The following EIF4G1 variants were observed in gnomAD, a reference collection of about 807,000 sequenced individuals.
The protein encoded by EIF4G1 is EIF4-gamma.
A neutral mutation model predicts 187.8 loss-of-function variants in EIF4G1; 4 were observed. The observed-to-expected ratio is 0.02, with a 90% CI of 0.01 to 0.05. The LOEUF is 0.05. EIF4G1 is among the 10% of genes least tolerant of loss of function. EIF4G1 has a pLI of 1.00. For missense variants in EIF4G1, 1,647 were observed against 2,081.1 expected, an observed-to-expected ratio of 0.79 and a Z score of 4.06; for synonymous variants, 844 against 781.4, an observed-to-expected ratio of 1.08 and a Z score of -1.34.
At position 184,316,156 on chromosome 3, in the gene EIF4G1, G is replaced by C; in HGVS notation, c.85G>C (p.Ala29Pro). ...GCCAGCGTTTCCCCCGGGGCAGACA[G>C]CGCCGGTGGTGTTCAGTACGCCACA... ...PQPAFPPGQT[A>P]PVVFSTPQAT... is the part of the protein sequence containing the mutation. Residue 29 changes from alanine (A) to proline (P), a missense_variant, in exon 4 of 33, where the codon GCG becomes CCG. Physicochemically the swap from Ala to Pro is conservative, Grantham distance 27. Around this residue, in one of 11 missense-constraint regions of EIF4G1, gnomAD observed 61 missense variants for 49.5 expected, o/e 1.23. Coordinates refer to ENST00000346169, the MANE Select transcript of EIF4G1 (RefSeq NM_198241.3). 6.2e-7 allele frequency: 1 copy of C among 1,614,166 alleles called. No individual in the cohort carries two copies. The highest frequency in any genetic ancestry group is 8.5e-7 in the Non-Finnish European group (1 of 1,180,032).
intron 26 of EIF4G1, 177 bp downstream of exon 26, chr3:184,328,179 G>T (rs768790968): frequency 4.3e-6 from 3 of 697,898 alleles, no homozygotes; most frequent in Admixed American, 4.3e-5. Flanking sequence ...AGAGGATCAC[G>T]TGAGGTTGGG....
intron 6 of EIF4G1, 196 bp from the exon 7 acceptor site, chr3:184,319,493 C>G: frequency 2.0e-6 from 1 of 512,744 alleles, no homozygotes; most frequent in Non-Finnish European, 3.7e-6. Flanking sequence ...GTTAGGAATT[C>G]TTGTAAACGC....
At chr3:184,324,133 TA>T in intron 16 of EIF4G1, 67 bp from the exon 17 acceptor site, 2 of 1,611,022 alleles carry the variant, frequency 1.2e-6, no homozygotes, top group East Asian at 2.2e-5. Context: ...GTCAGGTAGT[TA>T]AAGGCTCTTG....
chr3:184,322,282 C>T, intron 10 of EIF4G1, 80 bp from the exon 11 acceptor site: 1 of 1,537,436 alleles, frequency 6.5e-7, no homozygotes, highest in African/African-American at 1.4e-5. Context: ...TCTTTGGCTG[C>T]TTTCTATTTC....
At position 184,322,621 on chromosome 3, in the gene EIF4G1, T is replaced by C; in HGVS notation, c.1686T>C (p.Gly562=). Residue 562 remains glycine, a synonymous_variant, in exon 12 of 33, where the codon GGT becomes GGC. Coordinates refer to ENST00000346169, the MANE Select transcript of EIF4G1 (RefSeq NM_198241.3). ...SNPGPESEGS[G]VPPRPEEADE... ...CAGGCCCAGAGTCTGAGGGCAGTGGTGTGCCCCCACGTCCTGAGGAAGCAG... is the reference window on the plus strand; with the variant it reads ...CAGGCCCAGAGTCTGAGGGCAGTGGCGTGCCCCCACGTCCTGAGGAAGCAG... 6.2e-7 allele frequency: 1 copy of C among 1,614,164 alleles called. No individual in the cohort carries two copies. The highest frequency in any genetic ancestry group is 1.3e-5 in the African/African-American group (1 of 75,048).
At position 184,331,500 on chromosome 3, in the gene EIF4G1, C is replaced by G; in HGVS notation, c.4289C>G (p.Ser1430Trp). ...QKVEYTLGEE[S>W]EAPGQRALPS... ...GTGGAGTATACCCTGGGAGAGGAGT[C>G]GGAAGCCCCTGGCCAGAGGGCACTC... Residue 1430 changes from serine to tryptophan, a missense_variant, in exon 30 of 33, where the codon TCG (serine) becomes TGG (tryptophan). Transcript: ENST00000346169. 1 of 1,614,146 alleles carries G rather than the reference C, an allele frequency of 6.2e-7. No homozygotes were observed. Among genetic ancestry groups the G allele is most frequent in the Non-Finnish European group, 8.5e-7 (1 of 1,180,030 alleles).
At chr3:184,315,908 C>G in intron 3 of EIF4G1, 52 bp downstream of exon 3, 2 of 1,490,250 alleles carry the variant, frequency 1.3e-6, no homozygotes, top group Non-Finnish European at 1.8e-6. Flanking sequence ...CAGGCAGTCT[C>G]CAGCCTCTGG....
chr3:184,318,831 C>G (rs1347244957), intron 6 of EIF4G1, among the ~76,000 whole-genome samples: 1 of 151,678 alleles, frequency 6.6e-6, no homozygotes, highest in East Asian at 2.0e-4. Flanking sequence ...TCTCGAACTC[C>G]TGGCCTCAAG....
chr3:184,315,705 C>T (rs1293681586), intron 2 of EIF4G1, 58 bp from the exon 3 acceptor site: 2 of 1,314,992 alleles, frequency 1.5e-6, no homozygotes, highest in Non-Finnish European at 2.1e-6. Context: ...CTTTCACCGC[C>T]CCATTTGCCT....
chr3:184,324,224 G>A lies in EIF4G1; in HGVS notation c.2496G>A (p.Lys832=), dbSNP rs1657222427. 2 of 1,614,230 alleles carry A rather than the reference G, an allele frequency of 1.2e-6. No homozygotes were observed. Among genetic ancestry groups the A allele is most frequent in the African/African-American group, 1.3e-5 (1 of 75,060 alleles). Residue 832 remains lysine, a synonymous_variant, in exon 17 of 33, where the codon AAG becomes AAA. Coordinates refer to ENST00000346169, the MANE Select transcript of EIF4G1 (RefSeq NM_198241.3). ...AGCTGAAAGTGCCCACTACGGAAAA[G>A]CCAACAGTGACTGTGAACTTCCGAA... is the stretch of plus-strand genomic sequence containing the variant. ...LMALKVPTTE[K]PTVTVNFRKL... is the part of the protein sequence containing the mutation.
chr3:184,320,138 C>T (rs553080166), intron 7 of EIF4G1, among the ~76,000 whole-genome samples: 2 of 151,914 alleles, frequency 1.3e-5, no homozygotes, highest in South Asian at 2.1e-4. Flanking sequence ...CCTGCCCCCC[C>T]AGTCCTGGAA....
At chr3:184,316,703 G>A (rs892239387) in intron 4 of EIF4G1, 3 of 1,594,780 alleles carry the variant, frequency 1.9e-6, no homozygotes, top group Non-Finnish European at 2.5e-6. Flanking sequence ...CTATCCCCAT[G>A]TGCTCTCAGG....
chr3:184,315,688 A>G, intron 2 of EIF4G1, 75 bp from the exon 3 acceptor site: 2 of 1,143,608 alleles, frequency 1.7e-6, no homozygotes, highest in Admixed American at 2.0e-5. Context: ...CAGCCCTTGC[A>G]TCAACCCTTT....
chr3:184,316,224 G>A lies in EIF4G1; in HGVS notation c.147+6G>A. The A allele has an allele frequency of 1.9e-6, 3 of 1,613,984 alleles. No homozygotes were observed. The South Asian group carries it at 3.3e-5, about 18-fold the overall frequency. Reference sequence around the variant, plus strand: ...CGCCTTCTCAGCCCCGCCAGGTGAGGGGCTGTGGGGAGGGGAGTAGGGGAC... The same window carrying A: ...CGCCTTCTCAGCCCCGCCAGGTGAGAGGCTGTGGGGAGGGGAGTAGGGGAC... On this transcript the variant is annotated splice_donor_region_variant and intron_variant, in intron 4 of 32. Transcript: ENST00000346169.
intron 16 of EIF4G1, 69 bp downstream of exon 16, chr3:184,324,046 C>T: frequency 1.2e-6 from 2 of 1,607,806 alleles, no homozygotes; most frequent in Non-Finnish European, 1.7e-6. Context: ...CTCCTTGAGT[C>T]CAGCTTCTTG....
intron 6 of EIF4G1, 141 bp from the exon 7 acceptor site, chr3:184,319,548 G>C (rs558643440): frequency 4.4e-6 from 3 of 687,756 alleles, no homozygotes; most frequent in South Asian, 3.1e-5. Flanking sequence ...TAATTCCCTG[G>C]GGGAGGAGGG....
Position 184,322,052 on chromosome 3 carries a change from C to A in EIF4G1, c.1468C>A (p.Pro490Thr). ...GGAACTGCTCCCCCCAGAGAGTACC[C>A]CTATTCCAGCCAACTTGTCTCAGAA... ...GEELLPPESTPIPANLSQNLE... is the reference protein window; with the variant it reads ...GEELLPPESTTIPANLSQNLE... Residue 490 changes from proline (P) to threonine (T), a missense_variant, in exon 10 of 33, where the codon CCT becomes ACT. By Grantham distance (38) the Pro-to-Thr change is conservative. Coordinates refer to ENST00000346169, the MANE Select transcript of EIF4G1 (RefSeq NM_198241.3). The A allele has an allele frequency of 6.2e-7, 1 of 1,614,062 alleles. No individual in the cohort carries two copies. The highest frequency in any genetic ancestry group is 1.6e-4 in the Middle Eastern group (1 of 6,062).
At position 184,317,330 on chromosome 3, in the gene EIF4G1, C is replaced by T. The variant is rs1254229753; in HGVS notation, c.157C>T (p.Pro53Ser). 2 of 1,614,088 alleles carry T rather than the reference C, an allele frequency of 1.2e-6. No homozygotes were observed. The highest frequency in any genetic ancestry group is 3.3e-5 in the Admixed American group (2 of 60,024). The change falls in exon 5 of 33, where the codon CCT becomes TCT. Residue 53 changes from proline (P) to serine (S), a missense_variant. By Grantham distance (74) the Pro-to-Ser change is moderately conservative. This residue lies in a region of EIF4G1 where 139 missense variants were observed against 187.3 expected (regional missense o/e 0.74). Coordinates refer to ENST00000346169, the MANE Select transcript of EIF4G1 (RefSeq NM_198241.3). ...TCCTCCCTCCTGACAGCACTTCTACCCTAGCCGGGCCCAGCCCCCGAGCAG... is the reference window on the plus strand; with the variant it reads ...TCCTCCCTCCTGACAGCACTTCTACTCTAGCCGGGCCCAGCCCCCGAGCAG... ...TPSQPRQHFYPSRAQPPSSAA... is the reference protein window; with the variant it reads ...TPSQPRQHFYSSRAQPPSSAA...
chr3:184,315,714 C>T (rs932156115), intron 2 of EIF4G1, 49 bp from the exon 3 acceptor site: 3 of 1,453,020 alleles, frequency 2.1e-6, no homozygotes, highest in Non-Finnish European at 2.8e-6. Flanking sequence ...CCCCATTTGC[C>T]TTAAGCTTGG....
Sources: gnomAD v4.1 joint callset for allele counts (sites outside exome capture counted in the v4.1 genomes callset) on GRCh38, gnomAD v4.1.1 for gene constraint, gnomAD v4.1.1 regional missense constraint, MANE v1.5 for transcripts, NCBI Gene and HGNC (gene_info 2026-07-23, HGNC 2026-07-21) for gene names.